CTNND2: variants seen among roughly 807,000 people sequenced by gnomAD.
The protein encoded by CTNND2 is catenin delta 2.
Under a neutral mutation model 144.4 loss-of-function variants are expected in CTNND2, and 22 were observed. The observed-to-expected ratio is 0.15, with a 90% confidence interval of 0.11 to 0.22. The LOEUF (loss-of-function observed/expected upper bound fraction) is 0.22. CTNND2 is among the 10% of genes least tolerant of loss of function. The pLI is 1.00. For missense variants in CTNND2, 1,353 were observed against 1,618.8 expected (o/e 0.84, Z 2.82); for synonymous variants, 751 against 695.6 (o/e 1.08, Z -1.25).
At chr5:11,379,169 G>A (rs536353504) in intron 7 of CTNND2, among the ~76,000 whole-genome samples, 6 of 152,262 alleles carry the variant, frequency 3.9e-5, no homozygotes, top group African/African-American at 1.4e-4. Flanking sequence ...ACAAAAATTG[G>A]TACTGGTGAA....
At chr5:11,456,181 T>C (rs142519986) in intron 3 of CTNND2, among the ~76,000 whole-genome samples, 1 of 152,296 alleles carries the variant, frequency 6.6e-6, no homozygotes, top group Non-Finnish European at 1.5e-5. Flanking sequence ...ATCTGGGCAA[T>C]AGATTGTTAT....
intron 3 of CTNND2, among the ~76,000 whole-genome samples, chr5:11,546,624 TC>T (rs775905675): frequency 2.2e-4 from 33 of 152,316 alleles, no homozygotes; most frequent in Non-Finnish European, 4.0e-4. Context: ...AAAGAACATT[TC>T]CAAGAGTAAC....
chr5:11,402,474 G>A (rs1332652226), intron 5 of CTNND2, among the ~76,000 whole-genome samples: 1 of 152,188 alleles, frequency 6.6e-6, no homozygotes, highest in African/African-American at 2.4e-5. Flanking sequence ...AAAATATTCT[G>A]TTTAAATTTC....
intron 16 of CTNND2, among the ~76,000 whole-genome samples, chr5:11,070,182 A>G (rs187855583): frequency 3.3e-5 from 5 of 152,374 alleles, no homozygotes; most frequent in Admixed American, 3.3e-4. Context: ...TAAGGACTTT[A>G]TCTGTGATAT....
intron 2 of CTNND2, among the ~76,000 whole-genome samples, chr5:11,707,275 C>A (rs1785762789): frequency 6.6e-6 from 1 of 152,092 alleles, no homozygotes; most frequent in African/African-American, 2.4e-5. Context: ...CTAGGTGTCC[C>A]ACAGCCATGA....
chr5:11,517,114 G>T (rs1206077133), intron 3 of CTNND2, among the ~76,000 whole-genome samples: 2 of 152,170 alleles, frequency 1.3e-5, no homozygotes, highest in African/African-American at 4.8e-5. Context: ...TAACCATTGT[G>T]TTTATGTTCC....
chr5:11,076,439 C>T (rs1748962800), intron 16 of CTNND2, among the ~76,000 whole-genome samples: 1 of 152,216 alleles, frequency 6.6e-6, no homozygotes, highest in Non-Finnish European at 1.5e-5. Context: ...TCTGTTGAAG[C>T]AATACAATAT....
At chr5:11,069,839 C>G (rs542691721) in intron 16 of CTNND2, among the ~76,000 whole-genome samples, 1 of 152,286 alleles carries the variant, frequency 6.6e-6, no homozygotes, top group African/African-American at 2.4e-5. Flanking sequence ...AGATTAAATA[C>G]TGATCATGCT....
intron 8 of CTNND2, among the ~76,000 whole-genome samples, chr5:11,357,528 G>C (rs1691350699): frequency 6.6e-6 from 1 of 152,100 alleles, no homozygotes; most frequent in Admixed American, 6.6e-5. Flanking sequence ...CCAGAGACTA[G>C]GGAGGGGAGG....
At chr5:11,396,801 C>T (rs1402837385) in intron 6 of CTNND2, among the ~76,000 whole-genome samples, 1 of 152,138 alleles carries the variant, frequency 6.6e-6, no homozygotes, top group Non-Finnish European at 1.5e-5. Context: ...ATAGCGTGAA[C>T]AATACATAGA....
chr5:11,165,431 T>C (rs757031045), intron 11 of CTNND2, among the ~76,000 whole-genome samples: 1 of 152,224 alleles, frequency 6.6e-6, no homozygotes, highest in Non-Finnish European at 1.5e-5. Flanking sequence ...AATTACCCTG[T>C]TTGTTTATAT....
intron 1 of CTNND2, among the ~76,000 whole-genome samples, chr5:11,741,275 T>A (rs927660608): frequency 3.3e-5 from 5 of 152,134 alleles, no homozygotes; most frequent in African/African-American, 1.2e-4. Context: ...ACACGTATGT[T>A]TACTGTAGCA....
At chr5:11,124,019 G>T (rs975932390) in intron 12 of CTNND2, among the ~76,000 whole-genome samples, 8 of 152,132 alleles carry the variant, frequency 5.3e-5, no homozygotes, top group South Asian at 2.1e-4. Context: ...TGTGAGGGGG[G>T]ATCTCACAAG....
chr5:11,762,576 C>T (rs1031701006), intron 1 of CTNND2, among the ~76,000 whole-genome samples: 3 of 152,148 alleles, frequency 2.0e-5, no homozygotes, highest in South Asian at 2.1e-4. Flanking sequence ...CAAATGAAAG[C>T]TTGCTTTAAG....
intron 3 of CTNND2, among the ~76,000 whole-genome samples, chr5:11,471,122 C>T (rs920582717): frequency 1.5e-4 from 22 of 151,060 alleles, no homozygotes; most frequent in South Asian, 4.2e-4. Flanking sequence ...GGACTACAGG[C>T]GCCCACCAAC....
At chr5:11,645,914 GCTT>G (rs1782319580) in intron 2 of CTNND2, among the ~76,000 whole-genome samples, 1 of 151,922 alleles carries the variant, frequency 6.6e-6, no homozygotes, top group Non-Finnish European at 1.5e-5. Context: ...TATTTATCTA[GCTT>G]TATTGTTTTA....
chr5:11,789,339 T>C (rs1791014710), intron 1 of CTNND2, among the ~76,000 whole-genome samples: 2 of 152,304 alleles, frequency 1.3e-5, no homozygotes, highest in African/African-American at 4.8e-5. Context: ...ATTTGTTTAT[T>C]AGGAGTAATT....
intron 11 of CTNND2, among the ~76,000 whole-genome samples, chr5:11,172,795 C>T (rs1000420441): frequency 1.3e-5 from 2 of 152,150 alleles, no homozygotes; most frequent in African/African-American, 2.4e-5. Flanking sequence ...GCAGAGAGAA[C>T]GTCCTCCTTG....
intron 9 of CTNND2, among the ~76,000 whole-genome samples, chr5:11,316,153 G>A (rs1488180489): frequency 2.0e-5 from 3 of 152,090 alleles, no homozygotes; most frequent in Non-Finnish European, 4.4e-5. Flanking sequence ...TTATAATTAG[G>A]GTAAATCAGG....
Sources: allele counts gnomAD v4.1 joint callset (sites outside exome capture counted in the v4.1 genomes callset), GRCh38; gene constraint gnomAD v4.1.1; transcripts MANE v1.5; gene names NCBI Gene and HGNC (gene_info 2026-07-23, HGNC 2026-07-21).